SRD5A2: variants seen among roughly 807,000 people sequenced by gnomAD.
SRD5A2 encodes 3-oxo-5-alpha-steroid 4-dehydrogenase 2.
SRD5A2 carries 30 observed loss-of-function variants against 27.4 expected under a neutral mutation model. That is an observed-to-expected ratio of 1.10 (90% CI 0.82 to 1.49). SRD5A2 has a LOEUF of 1.49. Among genes scored for constraint, SRD5A2 ranks in the 40% most tolerant of loss-of-function variants. The pLI is 0.00. For missense variants in SRD5A2, 348 were observed against 323.4 expected (o/e 1.08, Z -0.58); for synonymous variants, 141 against 133.6 (o/e 1.06, Z -0.38).
chr2:31,637,181 C>A, the SRD5A2 span, among the ~76,000 whole-genome samples: 1 of 151,972 alleles, frequency 6.6e-6, no homozygotes, highest in Admixed American at 6.6e-5. Context: ...TTTTCTATTT[C>A]ATCATTCTTC....
chr2:31,629,530 C>T, the SRD5A2 span, among the ~76,000 whole-genome samples: 1 of 152,182 alleles, frequency 6.6e-6, no homozygotes, highest in African/African-American at 2.4e-5. Flanking sequence ...AGACTTAAGA[C>T]TCAGGTGTGA....
the SRD5A2 span, among the ~76,000 whole-genome samples, chr2:31,647,249 T>C: frequency 1.3e-5 from 2 of 152,158 alleles, no homozygotes; most frequent in Non-Finnish European, 2.9e-5. Flanking sequence ...GTGTATTCAA[T>C]CCAGGAATCT....
At chr2:31,626,120 G>A in the SRD5A2 span, among the ~76,000 whole-genome samples, 1 of 152,170 alleles carries the variant, frequency 6.6e-6, no homozygotes, top group Admixed American at 6.5e-5. Context: ...TCTCTTTGAA[G>A]CAATTGTGAA....
At chr2:31,598,740 C>T in the SRD5A2 span, among the ~76,000 whole-genome samples, 2 of 151,174 alleles carry the variant, frequency 1.3e-5, no homozygotes, top group Admixed American at 1.3e-4. Context: ...TAAAGGAAGA[C>T]AGGAAGGAAG....
intron 1 of SRD5A2, among the ~76,000 whole-genome samples, chr2:31,542,352 A>G: frequency 6.6e-6 from 1 of 152,180 alleles, no homozygotes; most frequent in East Asian, 1.9e-4. Context: ...TATTAAATTT[A>G]TTTATTTATT....
chr2:31,562,869 T>C (rs956538948), intron 1 of SRD5A2, among the ~76,000 whole-genome samples: 1 of 152,100 alleles, frequency 6.6e-6, no homozygotes, highest in Admixed American at 6.5e-5. Flanking sequence ...GTAGCCCTGA[T>C]CAAAGGCAAC....
the SRD5A2 span, among the ~76,000 whole-genome samples, chr2:31,599,189 A>G: frequency 6.6e-6 from 1 of 151,986 alleles, no homozygotes; most frequent in Non-Finnish European, 1.5e-5. Context: ...CAAAAGTGAG[A>G]GAGGTCCCAG....
the SRD5A2 span, among the ~76,000 whole-genome samples, chr2:31,621,511 G>A: frequency 0.083 from 12,608 of 152,138 alleles, 648 homozygotes; most frequent in Middle Eastern, 0.18. Context: ...CCCTTTGAAA[G>A]GCATTTCAGT....
intron 1 of SRD5A2, among the ~76,000 whole-genome samples, chr2:31,539,542 T>A (rs1666091101): frequency 6.6e-6 from 1 of 152,076 alleles, no homozygotes. Context: ...AAAGGCTGGG[T>A]AGGGAGTCAG....
chr2:31,533,690 T>G lies in SRD5A2; in HGVS notation c.358A>C (p.Thr120Pro), dbSNP rs764433016. The G allele has an allele frequency of 3.2e-6, 5 of 1,585,634 alleles. No individual in the cohort carries two copies. Among genetic ancestry groups the G allele is most frequent in the Non-Finnish European group, 4.3e-6 (5 of 1,165,354 alleles). The part of the protein sequence containing the change: ...ILILRGTAFC[T>P]GNGVLQGYYL... Reference sequence around the variant, plus strand: ...TAGCCTTGAAGGACTCCATTTCCAGTGCAGAAGGCAGTGCCTCTGAGAATG... The same window carrying G: ...TAGCCTTGAAGGACTCCATTTCCAGGGCAGAAGGCAGTGCCTCTGAGAATG... Residue 120 changes from threonine (T) to proline (P), a missense_variant, in exon 2 of 5, where the codon ACT (threonine) becomes CCT (proline). By Grantham distance (38) the Thr-to-Pro change is conservative (BLOSUM62 -1). Coordinates refer to ENST00000622030, the MANE Select transcript of SRD5A2 (RefSeq NM_000348.4).
At chr2:31,546,327 A>C (rs1666254847) in intron 1 of SRD5A2, among the ~76,000 whole-genome samples, 1 of 152,216 alleles carries the variant, frequency 6.6e-6, no homozygotes, top group Non-Finnish European at 1.5e-5. Flanking sequence ...ATAGTAATCA[A>C]AGCAATATAG....
upstream of SRD5A2, chr2:31,581,004 C>G (rs562992383): frequency 7.7e-7 from 1 of 1,294,508 alleles, no homozygotes; most frequent in African/African-American, 1.5e-5. Flanking sequence ...GCCCCCTCGG[C>G]CTTGGCTCCC....
chr2:31,609,591 A>G, the SRD5A2 span, among the ~76,000 whole-genome samples: 3 of 152,136 alleles, frequency 2.0e-5, no homozygotes. Flanking sequence ...TAGGACCCTT[A>G]TTTCACCCCA....
chr2:31,583,614 GA>G (rs1215302510), upstream of SRD5A2, among the ~76,000 whole-genome samples: 1,185 of 19,062 alleles, frequency 0.062, 13 homozygotes, highest in African/African-American at 0.081. Context: ...CTCCTTCCAG[GA>G]AAAAAAAAAA....
At chr2:31,596,443 C>T in the SRD5A2 span, among the ~76,000 whole-genome samples, 2 of 150,776 alleles carry the variant, frequency 1.3e-5, no homozygotes, top group African/African-American at 2.4e-5. Context: ...GACAAAGATG[C>T]CCACTTTTAC....
chr2:31,655,684 G>A, the SRD5A2 span, among the ~76,000 whole-genome samples: 1 of 152,074 alleles, frequency 6.6e-6, no homozygotes, highest in African/African-American at 2.4e-5. Context: ...AGGAAGAGGT[G>A]GGAAGAATGA....
At chr2:31,653,659 C>T in the SRD5A2 span, among the ~76,000 whole-genome samples, 1 of 152,112 alleles carries the variant, frequency 6.6e-6, no homozygotes, top group East Asian at 1.9e-4. Flanking sequence ...CTGCAAACTC[C>T]AATTTTTTTT....
At chr2:31,635,410 TAC>T in the SRD5A2 span, among the ~76,000 whole-genome samples, 1 of 152,276 alleles carries the variant, frequency 6.6e-6, no homozygotes, top group East Asian at 1.9e-4. Flanking sequence ...ATTTTTTTCC[TAC>T]AGAGTTGTTT....
intron 1 of SRD5A2, among the ~76,000 whole-genome samples, chr2:31,569,755 T>C (rs1666815602): frequency 6.7e-6 from 1 of 150,226 alleles, no homozygotes; most frequent in South Asian, 2.1e-4. Flanking sequence ...AAATGTGTCA[T>C]AGACCTGAAA....
Sources: allele counts gnomAD v4.1 joint callset (sites outside exome capture counted in the v4.1 genomes callset), GRCh38; gene constraint gnomAD v4.1.1; transcripts MANE v1.5; gene names NCBI Gene and HGNC (gene_info 2026-07-23, HGNC 2026-07-21).